Variants in ELAPOR1 observed in about 807,000 individuals in gnomAD.
ELAPOR1 encodes endosome/lysosome-associated apoptosis and autophagy regulator 1.
In ELAPOR1, 77 loss-of-function variants were observed where a neutral mutation model predicts 119.7. The ratio of observed to expected loss-of-function variants is 0.64; its 90% CI spans 0.54 to 0.78. The LOEUF is 0.78. ELAPOR1 is among the 30% of genes least tolerant of loss of function. The pLI is 0.00. For missense variants in ELAPOR1, 1,115 were observed against 1,270.4 expected (o/e 0.88, Z 1.86); for synonymous variants, 481 against 487.2 (o/e 0.99, Z 0.17).
intron 6 of ELAPOR1, 48 bp from the exon 7 acceptor site, chr1:109,173,638 TCA>T: frequency 6.2e-7 from 1 of 1,613,336 alleles, no homozygotes; most frequent in Non-Finnish European, 8.5e-7. Context: ...TCCTGGGGAC[TCA>T]GTCTCCAGGC....
chr1:109,205,138 C>A lies in ELAPOR1; in HGVS notation c.*2126C>A, dbSNP rs1020625834. On this transcript the variant is annotated 3_prime_UTR_variant, in exon 22 of 22. Transcript: ENST00000369939. ...GTACCTAGAATGGGTAAAACCAGAG[C>A]AAGACTTTAAATTACCTTCTTCTTT... 6.6e-6 allele frequency: 1 copy of A among 152,176 alleles called. No individual in the cohort carries two copies. The highest frequency in any genetic ancestry group is 2.1e-4 in the South Asian group (1 of 4,834). The allele number at this position is 152,176 out of a possible 1,614,324, so 9.4% of individuals were successfully genotyped here.
At chr1:109,164,041 T>A (rs1413624008) in intron 2 of ELAPOR1, among the ~76,000 whole-genome samples, 1 of 152,190 alleles carries the variant, frequency 6.6e-6, no homozygotes, top group Non-Finnish European at 1.5e-5. Context: ...CTATTTTTTT[T>A]ATAACAGCTT....
chr1:109,148,969 T>C (rs1335007564), intron 1 of ELAPOR1, among the ~76,000 whole-genome samples: 7 of 152,198 alleles, frequency 4.6e-5, no homozygotes, highest in Non-Finnish European at 1.0e-4. Flanking sequence ...CAACCAGTAC[T>C]GAAAAACCCT....
chr1:109,158,494 A>G (rs1329309210), intron 1 of ELAPOR1, among the ~76,000 whole-genome samples: 1 of 152,094 alleles, frequency 6.6e-6, no homozygotes, highest in Non-Finnish European at 1.5e-5. Flanking sequence ...TCATGTGCCC[A>G]GGAGTATTAC....
At chr1:109,146,476 T>A (rs778879474) in intron 1 of ELAPOR1, among the ~76,000 whole-genome samples, 7 of 152,216 alleles carry the variant, frequency 4.6e-5, no homozygotes, top group Non-Finnish European at 1.0e-4. Context: ...TCTGCTGTAC[T>A]TTGCCTATTG....
At chr1:109,194,341 G>A in intron 14 of ELAPOR1, 80 bp from the exon 15 acceptor site, 1 of 1,333,598 alleles carries the variant, frequency 7.5e-7, no homozygotes, top group Non-Finnish European at 1.1e-6. Context: ...ACCAGACGGG[G>A]GAGAAAACTG....
chr1:109,166,758 G>A (rs925858540), intron 3 of ELAPOR1, among the ~76,000 whole-genome samples: 2 of 152,142 alleles, frequency 1.3e-5, no homozygotes, highest in African/African-American at 2.4e-5. Flanking sequence ...GAGCGAAAGT[G>A]GGGGGATATG....
chr1:109,183,705 A>G (rs1348388894), intron 7 of ELAPOR1, among the ~76,000 whole-genome samples: 1 of 151,032 alleles, frequency 6.6e-6, no homozygotes, highest in East Asian at 1.9e-4. Context: ...TGCAGCCTCA[A>G]CCTCCTGGAC....
Position 109,186,880 on chromosome 1 carries a change from C to CG in ELAPOR1, c.1042-1293dup, listed in dbSNP as rs1159839609. 10 of 985,388 alleles carry CG rather than the reference C, an allele frequency of 1.0e-5. No homozygotes were observed. In the African/African-American group the frequency reaches 1.6e-4, roughly 15 times the overall value. The allele number at this position is 985,388 out of a possible 1,614,324, so 61.0% of individuals were successfully genotyped here. On this transcript the variant is annotated intron_variant, in intron 8 of 21. Coordinates refer to ENST00000369939, the MANE Select transcript of ELAPOR1 (RefSeq NM_020775.5). ...GTGTCTGCCTTGGCCTGACCACTGC[C>CG]GGGGCCTTTAGATGCTGGGTCAGAC...
intron 9 of ELAPOR1, among the ~76,000 whole-genome samples, chr1:109,188,803 A>C (rs1275684550): frequency 6.6e-6 from 1 of 152,254 alleles, no homozygotes; most frequent in Non-Finnish European, 1.5e-5. Flanking sequence ...ACTAGAAGGT[A>C]CATTTAAGTT....
In ELAPOR1 at chr1:109,185,150, T is replaced by C. The variant is rs777029512; in HGVS notation, c.1041+17T>C. On this transcript the variant is annotated intron_variant, in intron 8 of 21. Coordinates refer to ENST00000369939, the MANE Select transcript of ELAPOR1 (RefSeq NM_020775.5). ...AACGGAGAGGTGGGTAGTACAGTCT[T>C]GGAGCCCCTTAGCCCCAGATGGACT... The C allele has an allele frequency of 1.3e-6, 2 of 1,593,590 alleles. No individual in the cohort carries two copies. The highest frequency in any genetic ancestry group is 2.2e-5 in the South Asian group (2 of 90,690).
chr1:109,195,797 A>G (rs1251380099), intron 15 of ELAPOR1, among the ~76,000 whole-genome samples: 1 of 152,238 alleles, frequency 6.6e-6, no homozygotes, highest in Non-Finnish European at 1.5e-5. Context: ...GCAAAGGTTA[A>G]TCCCACCACT....
At position 109,185,118 on chromosome 1, in the gene ELAPOR1, C is replaced by T. The variant is rs754739604; in HGVS notation, c.1026C>T (p.Cys342=). Residue 342 remains cysteine, a synonymous_variant, in exon 8 of 22, where the codon TGC becomes TGT. Coordinates refer to ENST00000369939, the MANE Select transcript of ELAPOR1 (RefSeq NM_020775.5). ...ATTATTTCTACACACACACGGCCTG[C>T]GATGCCAACGGAGAGGTGGGTAGTA... ...DKDYFYTHTA[C]DANGETQLMY... 28 of 1,613,410 alleles carry T rather than the reference C, an allele frequency of 1.7e-5. No homozygotes were observed. Among genetic ancestry groups the T allele is most frequent in the Middle Eastern group, 1.6e-4 (1 of 6,082 alleles).
chr1:109,194,319 C>A, intron 14 of ELAPOR1, 102 bp from the exon 15 acceptor site: 1 of 1,002,312 alleles, frequency 1.0e-6, no homozygotes. Context: ...CTCTTGACCC[C>A]ATTTGGGCGG....
intron 1 of ELAPOR1, among the ~76,000 whole-genome samples, chr1:109,155,538 T>C (rs184268341): frequency 1.3e-5 from 2 of 152,240 alleles, no homozygotes; most frequent in Non-Finnish European, 2.9e-5. Flanking sequence ...CAATGTCTTC[T>C]GAGATATTGT....
chr1:109,200,269 G>C (rs772115549), intron 20 of ELAPOR1, 32 bp downstream of exon 20: 4 of 1,604,148 alleles, frequency 2.5e-6, no homozygotes, highest in Non-Finnish European at 3.4e-6. Flanking sequence ...TGTGGGGATG[G>C]ACAGGGTTGG....
At chr1:109,172,594 A>G in intron 5 of ELAPOR1, 26 bp downstream of exon 5, 3 of 1,578,662 alleles carry the variant, frequency 1.9e-6, no homozygotes, top group Admixed American at 3.4e-5. Context: ...GCCTTCTCCC[A>G]GAGATCCCAG....
At chr1:109,141,766 C>T (rs1649842005) in intron 1 of ELAPOR1, among the ~76,000 whole-genome samples, 1 of 151,880 alleles carries the variant, frequency 6.6e-6, no homozygotes, top group Non-Finnish European at 1.5e-5. Flanking sequence ...CCCAGGCTCA[C>T]ATGATCCTCC....
In ELAPOR1 at chr1:109,199,905, G is replaced by A; in HGVS notation, c.2553G>A (p.Glu851=). The A allele has an allele frequency of 1.2e-6, 2 of 1,613,810 alleles. No homozygotes were observed. The highest frequency in any genetic ancestry group is 1.7e-6 in the Non-Finnish European group (2 of 1,180,044). Residue 851 remains glutamate (E), a synonymous_variant, in exon 19 of 22, where the codon GAG becomes GAA. Transcript: ENST00000369939. Reference sequence around the variant, plus strand: ...GCTGCAACTTCCACTTCCTGTGGGAGAGCGCGGCTGCTTGCCCGCTCTGCT... The same window carrying A: ...GCTGCAACTTCCACTTCCTGTGGGAAAGCGCGGCTGCTTGCCCGCTCTGCT... The part of the protein sequence containing the change: ...CDGCNFHFLW[E]SAAACPLCSV...
Sources: gnomAD v4.1 joint callset for allele counts (sites outside exome capture counted in the v4.1 genomes callset) on GRCh38, gnomAD v4.1.1 for gene constraint, MANE v1.5 for transcripts, NCBI Gene and HGNC (gene_info 2026-07-23, HGNC 2026-07-21) for gene names.